The following LGALS3BP variants were observed in gnomAD, a reference collection of about 807,000 sequenced individuals.
LGALS3BP encodes galectin 3 binding protein, also known as galectin-3-binding protein.
In LGALS3BP, 25 loss-of-function variants were observed where a neutral mutation model predicts 22.9. That is an observed-to-expected ratio of 1.09 (90% CI 0.80 to 1.53). The LOEUF is 1.53. Ranked by LOEUF, LGALS3BP falls within the 40% of genes most tolerant of loss-of-function variation. The probability of loss-of-function intolerance (pLI) is 0.00; values close to 1 mark genes in which losing one functional copy is unlikely to be tolerated. For synonymous variants in LGALS3BP, 335 were observed against 331.1 expected (o/e 1.01, Z -0.13); for missense variants, 718 against 752.0 (o/e 0.95, Z 0.53).
At chr17:78,975,671 A>G (rs2070713194) in intron 3 of LGALS3BP, among the ~76,000 whole-genome samples, 1 of 151,970 alleles carries the variant, frequency 6.6e-6, no homozygotes, top group African/African-American at 2.4e-5. Context: ...AGGTACCTGT[A>G]ATCCCAGCTA....
In LGALS3BP at chr17:78,973,180, G is replaced by C. The variant is rs752475720; in HGVS notation, c.419C>G (p.Ser140Trp). 2.5e-6 allele frequency: 4 copies of C among 1,596,912 alleles called. No individual in the cohort carries two copies. The highest frequency in any genetic ancestry group is 3.4e-6 in the Non-Finnish European group (4 of 1,172,662). The change falls in exon 5 of 6, where the codon TCG (serine) becomes TGG (tryptophan). Residue 140 changes from serine (S) to tryptophan (W), a missense_variant. By Grantham distance (177) the Ser-to-Trp change is radical. Coordinates refer to ENST00000262776, the MANE Select transcript of LGALS3BP (RefSeq NM_005567.4). This position sits in a 1 kb window ranked among gnomAD's most constrained non-coding sequence, Gnocchi z 5.8. ...THTLDLSRELSEALGQIFDSQ... is the reference protein window; with the variant it reads ...THTLDLSRELWEALGQIFDSQ... ...GTCAAAGATCTGGCCAAGGGCCTCC[G>C]AGAGCTCCCTGGAGAGGTCCAGGGT...
Position 78,976,125 on chromosome 17 carries a change from A to G in LGALS3BP, c.84T>C (p.Asp28=), listed in dbSNP as rs1477168901. 1.9e-6 allele frequency: 3 copies of G among 1,593,628 alleles called. No individual in the cohort carries two copies. Among genetic ancestry groups the G allele is most frequent in the South Asian group, 2.3e-5 (2 of 88,074 alleles). Residue 28 remains aspartate (D), a synonymous_variant, in exon 3 of 6, where the codon GAT becomes GAC. Transcript: ENST00000262776. The surrounding 1 kb of genome is among the most constrained non-coding windows in gnomAD (Gnocchi z 4.6). ...CGCGGCCCTGGTTGGTGGCGCCCCCATCGGCCAGCCGCATGTCACCATCGT... is the reference window on the plus strand; with the variant it reads ...CGCGGCCCTGGTTGGTGGCGCCCCCGTCGGCCAGCCGCATGTCACCATCGT... The part of the protein sequence containing the change: ...GVNDGDMRLA[D]GGATNQGRVE...
At chr17:78,979,200 G>GA (rs1209057946) in intron 1 of LGALS3BP, among the ~76,000 whole-genome samples, 2 of 152,188 alleles carry the variant, frequency 1.3e-5, no homozygotes, top group African/African-American at 2.4e-5. Context: ...GTGCAAATCA[G>GA]AAAAAAAGGT....
Position 78,973,185 on chromosome 17 carries a change from C to T in LGALS3BP, c.414G>A (p.Glu138=). ...AGATCTGGCCAAGGGCCTCCGAGAGCTCCCTGGAGAGGTCCAGGGTGTGGG... is the reference window on the plus strand; with the variant it reads ...AGATCTGGCCAAGGGCCTCCGAGAGTTCCCTGGAGAGGTCCAGGGTGTGGG... ...RSTHTLDLSR[E]LSEALGQIFD... Residue 138 remains glutamate (E), a synonymous_variant, in exon 5 of 6, where the codon GAG becomes GAA. Transcript: ENST00000262776. This position sits in a 1 kb window ranked among gnomAD's most constrained non-coding sequence, Gnocchi z 5.8. 6.3e-7 allele frequency: 1 copy of T among 1,591,580 alleles called. No individual in the cohort carries two copies. Among genetic ancestry groups the T allele is most frequent in the Non-Finnish European group, 8.5e-7 (1 of 1,169,882 alleles).
Position 78,973,270 on chromosome 17 carries a change from T to C in LGALS3BP, c.377-48A>G, listed in dbSNP as rs1568023090. ...TGGGCTGCGTTAGGAGCCGGGGCAC[T>C]GCCACTCTCTGGGGTCAGTGTCTTC... On this transcript the variant is annotated intron_variant, in intron 4 of 5. Transcript: ENST00000262776. This position sits in a 1 kb window ranked among gnomAD's most constrained non-coding sequence, Gnocchi z 5.8. 2.1e-6 allele frequency: 3 copies of C among 1,456,288 alleles called. No homozygotes were observed. The highest frequency in any genetic ancestry group is 1.8e-6 in the Non-Finnish European group (2 of 1,105,912). 90.2% of individuals were successfully genotyped at this position (1,456,288 alleles called of 1,614,324 possible). A position where few individuals can be genotyped will look rare whatever the true frequency, so the allele number is the denominator to read the frequency against.
intron 3 of LGALS3BP, 170 bp from the exon 4 acceptor site, chr17:78,974,989 C>T: frequency 1.2e-6 from 1 of 808,740 alleles, no homozygotes; most frequent in Non-Finnish European, 1.9e-6. Context: ...TTTGTGATTG[C>T]AATGTCAGGC....
chr17:78,973,135 A>G lies in LGALS3BP; in HGVS notation c.464T>C (p.Leu155Pro). 1 of 1,612,854 alleles carries G rather than the reference A, an allele frequency of 6.2e-7. No individual in the cohort carries two copies. The highest frequency in any genetic ancestry group is 8.5e-7 in the Non-Finnish European group (1 of 1,179,764). Reference protein sequence around the residue: ...QIFDSQRGCDLSISVNVQGED... With the variant: ...QIFDSQRGCDPSISVNVQGED... The stretch of plus-strand genomic sequence containing the variant: ...GCCCTGCACATTCACGCTGATGGAC[A>G]GGTCGCAGCCCCGCTGGCTGTCAAA... The change falls in exon 5 of 6, where the codon CTG becomes CCG. Residue 155 changes from leucine (L) to proline (P), a missense_variant. Transcript: ENST00000262776. The surrounding 1 kb of genome is among the most constrained non-coding windows in gnomAD (Gnocchi z 5.8).
Position 78,979,915 on chromosome 17 carries a change from T to A in LGALS3BP, c.-115A>T, listed in dbSNP as rs1190578125. 4 of 152,208 alleles carry A rather than the reference T, an allele frequency of 2.6e-5. No individual in the cohort carries two copies. The highest frequency in any genetic ancestry group is 9.7e-5 in the African/African-American group (4 of 41,444). 9.4% of individuals were successfully genotyped at this position (152,208 alleles called of 1,614,324 possible). On this transcript the variant is annotated 5_prime_UTR_variant, in exon 1 of 6. Coordinates refer to ENST00000262776, the MANE Select transcript of LGALS3BP (RefSeq NM_005567.4). ...ACTGGTCCTTTGACCCAGAAGCCTC[T>A]CCCAGTATGGAGCGTGGTCAGGCTG...
In LGALS3BP at chr17:78,976,261, T is replaced by C; in HGVS notation, c.53-105A>G. ...TGGGTCTCCCCTGCTGAGCTTGTAT[T>C]TCAGGGCTTCAAGGTCCCCTGGCCT... On this transcript the variant is annotated intron_variant, in intron 2 of 5. Transcript: ENST00000262776. The surrounding 1 kb of genome is among the most constrained non-coding windows in gnomAD (Gnocchi z 4.6). 9.5e-7 allele frequency: 1 copy of C among 1,054,426 alleles called. No homozygotes were observed. The highest frequency in any genetic ancestry group is 1.3e-6 in the Non-Finnish European group (1 of 754,384). 65.3% of individuals were successfully genotyped at this position (1,054,426 alleles called of 1,614,324 possible).
chr17:78,971,912 C>G lies in LGALS3BP; in HGVS notation c.1422G>C (p.Lys474Asn), dbSNP rs1449423520. The change falls in exon 6 of 6, where the codon AAG becomes AAC. Residue 474 changes from lysine to asparagine, a missense_variant. Coordinates refer to ENST00000262776, the MANE Select transcript of LGALS3BP (RefSeq NM_005567.4). This position sits in a 1 kb window ranked among gnomAD's most constrained non-coding sequence, Gnocchi z 5.6. The stretch of plus-strand genomic sequence containing the variant: ...GGTAGACCAGGGACCAGGACACCCT[C>G]TTGTCCTGGAAGAGGAAGCTGGGGT... ...PQHPSFLFQD[K>N]RVSWSLVYLP... 6.2e-7 allele frequency: 1 copy of G among 1,614,036 alleles called. No individual in the cohort carries two copies. Among genetic ancestry groups the G allele is most frequent in the South Asian group, 1.1e-5 (1 of 91,076 alleles).
chr17:78,973,180 G>A lies in LGALS3BP; in HGVS notation c.419C>T (p.Ser140Leu), dbSNP rs752475720. Residue 140 changes from serine (S) to leucine (L), a missense_variant, in exon 5 of 6, where the codon TCG becomes TTG. Ser to Leu is a moderately radical substitution (Grantham distance 145). Transcript: ENST00000262776. This position sits in a 1 kb window ranked among gnomAD's most constrained non-coding sequence, Gnocchi z 5.8. Reference sequence around the variant, plus strand: ...GTCAAAGATCTGGCCAAGGGCCTCCGAGAGCTCCCTGGAGAGGTCCAGGGT... The same window carrying A: ...GTCAAAGATCTGGCCAAGGGCCTCCAAGAGCTCCCTGGAGAGGTCCAGGGT... ...THTLDLSRELSEALGQIFDSQ... is the reference protein window; with the variant it reads ...THTLDLSRELLEALGQIFDSQ... The A allele has an allele frequency of 1.3e-5, 20 of 1,597,030 alleles. No homozygotes were observed. Among genetic ancestry groups the A allele is most frequent in the East Asian group, 9.1e-5 (4 of 44,164 alleles).
Position 78,976,061 on chromosome 17 carries a change from C to A in LGALS3BP, c.148G>T (p.Asp50Tyr). The stretch of plus-strand genomic sequence containing the variant: ...GCATCAGTCAGGTCCCACAGGTTGT[C>A]ACACACAGTGCCCCACTGGCCTCTG... ...FYRGQWGTVC[D>Y]NLWDLTDASV... The change falls in exon 3 of 6, where the codon GAC becomes TAC. Residue 50 changes from aspartate to tyrosine, a missense_variant. Asp to Tyr is a radical substitution (Grantham distance 160). Transcript: ENST00000262776. This position sits in a 1 kb window ranked among gnomAD's most constrained non-coding sequence, Gnocchi z 4.6. The A allele has an allele frequency of 6.2e-7, 1 of 1,612,386 alleles. No individual in the cohort carries two copies. The highest frequency in any genetic ancestry group is 8.5e-7 in the Non-Finnish European group (1 of 1,179,692).
At chr17:78,977,377 G>T in intron 1 of LGALS3BP, 163 bp from the exon 2 acceptor site, 1 of 614,808 alleles carries the variant, frequency 1.6e-6, no homozygotes, top group Non-Finnish European at 2.8e-6. Context: ...GACGTGTGCT[G>T]TGGATGCCCC....
chr17:78,974,560 T>A lies in LGALS3BP; in HGVS notation c.376+128A>T, dbSNP rs372630201. On this transcript the variant is annotated intron_variant, in intron 4 of 5. Coordinates refer to ENST00000262776, the MANE Select transcript of LGALS3BP (RefSeq NM_005567.4). ...GACGTCTGGGCCTCTCCATGCGGAGTGGGCAGGCGGTAGTGGAAGGAACCT... is the reference window on the plus strand; with the variant it reads ...GACGTCTGGGCCTCTCCATGCGGAGAGGGCAGGCGGTAGTGGAAGGAACCT... The A allele has an allele frequency of 6.8e-5, 73 of 1,077,470 alleles. No individual in the cohort carries two copies. The African/African-American group carries it at 9.7e-4, about 14-fold the overall frequency. 66.7% of individuals were successfully genotyped at this position (1,077,470 alleles called of 1,614,324 possible).
intron 3 of LGALS3BP, among the ~76,000 whole-genome samples, chr17:78,975,727 G>C (rs1401211460): frequency 6.9e-6 from 1 of 144,616 alleles, no homozygotes; most frequent in Non-Finnish European, 1.5e-5. Flanking sequence ...AGGAGGCGGA[G>C]GTTGCAGTGA....
chr17:78,975,271 G>GT (rs1201784787), intron 3 of LGALS3BP, among the ~76,000 whole-genome samples: 1 of 152,198 alleles, frequency 6.6e-6, no homozygotes, highest in Non-Finnish European at 1.5e-5. Context: ...TTTATGGATT[G>GT]TTTCTTTTTT....
At position 78,976,094 on chromosome 17, in the gene LGALS3BP, T is replaced by A. The variant is rs1412792509; in HGVS notation, c.115A>T (p.Ile39Phe). The A allele has an allele frequency of 5.0e-6, 8 of 1,606,776 alleles. No individual in the cohort carries two copies. Among genetic ancestry groups the A allele is most frequent in the Non-Finnish European group, 6.8e-6 (8 of 1,177,370 alleles). The change falls in exon 3 of 6, where the codon ATC becomes TTC. Residue 39 changes from isoleucine to phenylalanine, a missense_variant. Coordinates refer to ENST00000262776, the MANE Select transcript of LGALS3BP (RefSeq NM_005567.4). The surrounding 1 kb of genome is among the most constrained non-coding windows in gnomAD (Gnocchi z 4.6). ...GTGCCCCACTGGCCTCTGTAGAAGA[T>A]CTCCACGCGGCCCTGGTTGGTGGCG... is the stretch of plus-strand genomic sequence containing the variant. ...GGATNQGRVE[I>F]FYRGQWGTVC... is the part of the protein sequence containing the mutation.
chr17:78,974,622 A>G, intron 4 of LGALS3BP, 66 bp downstream of exon 4: 1 of 1,549,910 alleles, frequency 6.5e-7, no homozygotes, highest in Non-Finnish European at 8.8e-7. Flanking sequence ...TGGTGCTGGG[A>G]GGGGCAGGGG....
Position 78,976,195 on chromosome 17 carries a change from C to T in LGALS3BP, c.53-39G>A, listed in dbSNP as rs1158927650. 4 of 1,500,710 alleles carry T rather than the reference C, an allele frequency of 2.7e-6. No individual in the cohort carries two copies. The highest frequency in any genetic ancestry group is 1.3e-5 in the South Asian group (1 of 77,794). 93.0% of individuals were successfully genotyped at this position (1,500,710 alleles called of 1,614,324 possible). ...CCAGCGAGGGCGAGGCTGGGGCCTG[C>T]AGCACCCACCGCCCACACCTCCAGG... is the stretch of plus-strand genomic sequence containing the variant. On this transcript the variant is annotated intron_variant, in intron 2 of 5. Coordinates refer to ENST00000262776, the MANE Select transcript of LGALS3BP (RefSeq NM_005567.4). This position sits in a 1 kb window ranked among gnomAD's most constrained non-coding sequence, Gnocchi z 4.6.
Sources: gnomAD v4.1 joint callset for allele counts (sites outside exome capture counted in the v4.1 genomes callset) on GRCh38, gnomAD v4.1.1 for gene constraint, Gnocchi (gnomAD v3.1) non-coding constraint, MANE v1.5 for transcripts, NCBI Gene and HGNC (gene_info 2026-07-23, HGNC 2026-07-21) for gene names.